Variants in DENND4B observed in about 807,000 individuals in gnomAD.
The protein encoded by DENND4B is DENN domain-containing protein 4B.
Under a neutral mutation model 161.0 loss-of-function variants are expected in DENND4B, and 67 were observed. The ratio of observed to expected loss-of-function variants is 0.42; its 90% CI spans 0.34 to 0.51. The LOEUF (loss-of-function observed/expected upper bound fraction) is 0.51. DENND4B is among the 20% of genes least tolerant of loss of function. DENND4B has a pLI of 0.08. For synonymous variants in DENND4B, 753 were observed against 813.8 expected (o/e 0.93, Z 1.27); for missense variants, 1,481 against 1,968.0 (o/e 0.75, Z 4.68).
chr1:153,941,974 G>T lies in DENND4B; in HGVS notation c.950C>A (p.Ala317Asp). 6.2e-7 allele frequency: 1 copy of T among 1,612,228 alleles called. No homozygotes were observed. The highest frequency in any genetic ancestry group is 1.3e-5 in the African/African-American group (1 of 75,016). ...LGGRAVRSRR[A>D]IAVLSRWPAF... ...AGGCCAGCGGGACAGCACAGCGATG[G>T]CACGCCGGCTGCGCACAGCTCTGCC... The change falls in exon 6 of 28, where the codon GCC becomes GAC. Residue 317 changes from alanine to aspartate, a missense_variant. By Grantham distance (126) the Ala-to-Asp change is moderately radical. Transcript: ENST00000361217.
Position 153,930,924 on chromosome 1 carries a change from C to CCCAAG in DENND4B, c.4114+22_4114+23insCTTGG. 6.2e-7 allele frequency: 1 copy of CCCAAG among 1,601,500 alleles called. No individual in the cohort carries two copies. Among genetic ancestry groups the CCCAAG allele is most frequent in the African/African-American group, 1.3e-5 (1 of 74,802 alleles). On this transcript the variant is annotated intron_variant, in intron 25 of 27. Transcript: ENST00000361217. This position sits in a 1 kb window ranked among gnomAD's most constrained non-coding sequence, Gnocchi z 4.7. ...CTGGGTATGGGACCCACCCTCCCCA[C>CCCAAG]CCAGGCCAAATACCAGACTCACTGT...
rs1679617571 is a variant in DENND4B, at chr1:153,940,734, G to C, written c.1327-128C>G. ...TGTTGAGAGAGGCTGTTGGAAGTAG[G>C]CTCTAGAGAAGAGCTCCTGATGGAA... On this transcript the variant is annotated intron_variant, in intron 9 of 27. Coordinates refer to ENST00000361217, the MANE Select transcript of DENND4B (RefSeq NM_014856.3). This position sits in a 1 kb window ranked among gnomAD's most constrained non-coding sequence, Gnocchi z 5.6. 4.2e-6 allele frequency: 6 copies of C among 1,444,114 alleles called. No homozygotes were observed. The highest frequency in any genetic ancestry group is 2.2e-5 in the Admixed American group (1 of 46,110). 89.5% of individuals were successfully genotyped at this position (1,444,114 alleles called of 1,614,324 possible). A position where few individuals can be genotyped will look rare whatever the true frequency, so the allele number is the denominator to read the frequency against.
rs1261681396 is a variant in DENND4B, at chr1:153,943,540, T to G, written c.318-410A>C. Among the ~76,000 whole-genome samples the G allele has an allele frequency of 2.0e-5, 3 of 152,168 alleles. No individual in the cohort carries two copies. The East Asian group carries it at 5.8e-4, about 29-fold the overall frequency. Reference sequence around the variant, plus strand: ...TAAAAATTCAAAAATTAGCTGGACGTGGTGGCACATGCCTATAGTCTCAGC... The same window carrying G: ...TAAAAATTCAAAAATTAGCTGGACGGGGTGGCACATGCCTATAGTCTCAGC... On this transcript the variant is annotated intron_variant, in intron 2 of 27. Coordinates refer to ENST00000361217, the MANE Select transcript of DENND4B (RefSeq NM_014856.3).
chr1:153,929,935 GCT>G lies in DENND4B; in HGVS notation c.*360_*361del, dbSNP rs1314115080. 1.9e-5 allele frequency: 4 copies of G among 205,496 alleles called. No homozygotes were observed. The highest frequency in any genetic ancestry group is 3.9e-5 in the Non-Finnish European group (4 of 101,930). The allele number at this position is 205,496 out of a possible 1,614,324, so 12.7% of individuals were successfully genotyped here. A position where few individuals can be genotyped will look rare whatever the true frequency, so the allele number is the denominator to read the frequency against. ...TCCCATTCAGGGCAAAGGCTCAGTA[GCT>G]CTGCATCTTTCCAGTTGTTTTTTAA... On this transcript the variant is annotated 3_prime_UTR_variant, in exon 28 of 28. Coordinates refer to ENST00000361217, the MANE Select transcript of DENND4B (RefSeq NM_014856.3).
In DENND4B at chr1:153,944,445, GCCATGGCAACC is replaced by G. The variant is rs745625328; in HGVS notation, c.-23-59_-23-49del. On this transcript the variant is annotated intron_variant, in intron 1 of 27. Transcript: ENST00000361217. The surrounding 1 kb of genome is among the most constrained non-coding windows in gnomAD (Gnocchi z 4.8). ...AGATGAAGCAAGGAAGGCTGGGGAT[GCCATGGCAACC>G]AGGGTACCCTCTTGCTCCCCTCCTC... 6.7e-7 allele frequency: 1 copy of G among 1,486,282 alleles called. No individual in the cohort carries two copies. The highest frequency in any genetic ancestry group is 2.5e-5 in the East Asian group (1 of 40,434). The allele number at this position is 1,486,282 out of a possible 1,614,324, so 92.1% of individuals were successfully genotyped here.
Position 153,936,919 on chromosome 1 carries a change from TCA to T in DENND4B, c.2233-173_2233-172del, listed in dbSNP as rs1679376748. Among the ~76,000 whole-genome samples, 1 of 152,210 alleles carries T rather than the reference TCA, an allele frequency of 6.6e-6. No individual in the cohort carries two copies. The highest frequency in any genetic ancestry group is 1.5e-5 in the Non-Finnish European group (1 of 68,030). On this transcript the variant is annotated intron_variant, in intron 15 of 27. Transcript: ENST00000361217. The surrounding 1 kb of genome is among the most constrained non-coding windows in gnomAD (Gnocchi z 4.1). ...CCTGGGCTCAAGCGATTCTCCCACCTCAGTCTCAAGTAGCTGGGACGCACCAC... is the reference window on the plus strand; with the variant it reads ...CCTGGGCTCAAGCGATTCTCCCACCTGTCTCAAGTAGCTGGGACGCACCAC...
Position 153,933,895 on chromosome 1 carries a change from G to C in DENND4B, c.2942-24C>G. ...CACTGCAGCACAGAAAAGAATGAGG[G>C]AAGATGGACCCCAGCCTCTGCACCA... On this transcript the variant is annotated intron_variant, in intron 19 of 27. Coordinates refer to ENST00000361217, the MANE Select transcript of DENND4B (RefSeq NM_014856.3). This position sits in a 1 kb window ranked among gnomAD's most constrained non-coding sequence, Gnocchi z 5.7. 1 of 1,596,912 alleles carries C rather than the reference G, an allele frequency of 6.3e-7. No homozygotes were observed. Among genetic ancestry groups the C allele is most frequent in the Non-Finnish European group, 8.5e-7 (1 of 1,175,562 alleles).
intron 11 of DENND4B, 22 bp from the exon 12 acceptor site, chr1:153,939,826 G>A (rs956515727): frequency 2.6e-5 from 42 of 1,609,784 alleles, no homozygotes; most frequent in Non-Finnish European, 3.3e-5. Flanking sequence ...GGCAGCCTAA[G>A]AGTCAGGGCT....
Position 153,939,539 on chromosome 1 carries a change from C to T in DENND4B, c.1819+50G>A, listed in dbSNP as rs535793005. 8 of 1,548,658 alleles carry T rather than the reference C, an allele frequency of 5.2e-6. No homozygotes were observed. In the African/African-American group the frequency reaches 5.4e-5, roughly 11 times the overall value. On this transcript the variant is annotated intron_variant, in intron 12 of 27. Coordinates refer to ENST00000361217, the MANE Select transcript of DENND4B (RefSeq NM_014856.3). ...GCCTTTCTGACAGAGCCCAGCCCCT[C>T]GCCACCTCCTCCCATGATACATCTC... is the stretch of plus-strand genomic sequence containing the variant.
rs1026632569 is a variant in DENND4B, at chr1:153,937,363, T to G, written c.2232+125A>C. 4 of 1,377,368 alleles carry G rather than the reference T, an allele frequency of 2.9e-6. No homozygotes were observed. Among genetic ancestry groups the G allele is most frequent in the Non-Finnish European group, 2.9e-6 (3 of 1,051,490 alleles). 85.3% of individuals were successfully genotyped at this position (1,377,368 alleles called of 1,614,324 possible). On this transcript the variant is annotated intron_variant, in intron 15 of 27. Coordinates refer to ENST00000361217, the MANE Select transcript of DENND4B (RefSeq NM_014856.3). This position sits in a 1 kb window ranked among gnomAD's most constrained non-coding sequence, Gnocchi z 4.7. ...AGGGTTGCTTATGTGCCAAGCACAT[T>G]TAAACTCCTAACAACCTCATGGGTT...
intron 6 of DENND4B, 33 bp from the exon 7 acceptor site, chr1:153,941,473 C>A (rs1167241338): frequency 6.3e-7 from 1 of 1,590,470 alleles, no homozygotes. Context: ...AGAGCATACT[C>A]CCCCGTCCAT....
rs759061352 is a variant in DENND4B at position 153,943,142 on chromosome 1, G to A, written c.318-12C>T. On this transcript the variant is annotated splice_polypyrimidine_tract_variant and intron_variant, in intron 2 of 27. Transcript: ENST00000361217. ...CCTCATACAACACCCTTGGCACAGA[G>A]AGCAAAGATAGATGTTGAGAGGTCA... 1.2e-6 allele frequency: 2 copies of A among 1,605,186 alleles called. No homozygotes were observed. The highest frequency in any genetic ancestry group is 4.5e-5 in the East Asian group (2 of 44,678).
chr1:153,941,155 C>T, intron 8 of DENND4B, 76 bp downstream of exon 8: 1 of 1,587,830 alleles, frequency 6.3e-7, no homozygotes, highest in Non-Finnish European at 8.6e-7. Context: ...TAAACCTCAA[C>T]AGCTGCACCC....
intron 13 of DENND4B, among the ~76,000 whole-genome samples, chr1:153,938,511 G>C (rs1334895048): frequency 3.3e-5 from 5 of 151,442 alleles, no homozygotes; most frequent in Non-Finnish European, 7.4e-5. Context: ...GACCATCCTG[G>C]CTAACACAGT....
Position 153,939,591 on chromosome 1 carries a change from T to G in DENND4B, c.1817A>C (p.Gln606Pro). 6.2e-7 allele frequency: 1 copy of G among 1,606,894 alleles called. No individual in the cohort carries two copies. The highest frequency in any genetic ancestry group is 8.5e-7 in the Non-Finnish European group (1 of 1,174,858). The stretch of plus-strand genomic sequence containing the variant: ...AAGCAGAGACAGGCCCTCTATACCC[T>G]GCAGGAAGAAAAGGTTGTCAACATC... The part of the protein sequence containing the change: ...ARDVDNLFFL[Q>P]GFLKSRERSS... The change falls in exon 12 of 28, where the codon CAG becomes CCG. Residue 606 changes from glutamine to proline, a missense_variant and splice_region_variant. Transcript: ENST00000361217.
Position 153,933,658 on chromosome 1 carries a change from G to A in DENND4B, c.3155C>T (p.Thr1052Ile). Residue 1052 changes from threonine to isoleucine, a missense_variant, in exon 20 of 28, where the codon ACC becomes ATC. Thr to Ile is a moderately conservative substitution (Grantham distance 89, BLOSUM62 -1). This residue lies in a region of DENND4B where 339 missense variants were observed against 330.3 expected (regional missense o/e 1.03). Coordinates refer to ENST00000361217, the MANE Select transcript of DENND4B (RefSeq NM_014856.3). The surrounding 1 kb of genome is among the most constrained non-coding windows in gnomAD (Gnocchi z 5.7). ...GCGGGCACCCAGCCCTCGTCGGGGG[G>A]TGCCTGCCTCATCCTGTCGCCCACC... is the stretch of plus-strand genomic sequence containing the variant. ...KAGGRQDEAG[T>I]PRRGLGARLQ... 1 of 1,570,148 alleles carries A rather than the reference G, an allele frequency of 6.4e-7. No homozygotes were observed. The highest frequency in any genetic ancestry group is 1.2e-5 in the South Asian group (1 of 86,840).
intron 6 of DENND4B, 94 bp downstream of exon 6, chr1:153,941,775 G>GGGCGGGC: frequency 1.5e-6 from 2 of 1,338,170 alleles, no homozygotes; most frequent in Non-Finnish European, 2.1e-6. Flanking sequence ...CCTGTGCCCA[G>GGGCGGGC]CCCTCCCCCC....
At position 153,937,834 on chromosome 1, in the gene DENND4B, C is replaced by A; in HGVS notation, c.1995G>T (p.Pro665=). 6.2e-7 allele frequency: 1 copy of A among 1,613,990 alleles called. No individual in the cohort carries two copies. Among genetic ancestry groups the A allele is most frequent in the Non-Finnish European group, 8.5e-7 (1 of 1,179,894 alleles). Reference sequence around the variant, plus strand: ...GCTCCTCTAGCTCCACTAAGGGTGTCGGCTCAGGCTTCTCCTGCTCTGGGT... The same window carrying A: ...GCTCCTCTAGCTCCACTAAGGGTGTAGGCTCAGGCTTCTCCTGCTCTGGGT... ...KVHPEQEKPE[P]TPLVELEELS... The change falls in exon 14 of 28, where the codon CCG becomes CCT. Residue 665 remains proline (P), a synonymous_variant. Transcript: ENST00000361217. The surrounding 1 kb of genome is among the most constrained non-coding windows in gnomAD (Gnocchi z 4.7).
In DENND4B at chr1:153,936,316, A is replaced by C. The variant is rs1571043309; in HGVS notation, c.2440-128T>G. 1 of 1,376,200 alleles carries C rather than the reference A, an allele frequency of 7.3e-7. No individual in the cohort carries two copies. The highest frequency in any genetic ancestry group is 9.8e-7 in the Non-Finnish European group (1 of 1,016,530). 85.2% of individuals were successfully genotyped at this position (1,376,200 alleles called of 1,614,324 possible). On this transcript the variant is annotated intron_variant, in intron 16 of 27. Transcript: ENST00000361217. This position sits in a 1 kb window ranked among gnomAD's most constrained non-coding sequence, Gnocchi z 4.1. ...CTGGCCCCTGGCAGGTCCTGGGGCT[A>C]CCTCAGAGCCACCCACCCTTTCTGC...
Sources: gnomAD v4.1 joint callset for allele counts (sites outside exome capture counted in the v4.1 genomes callset) on GRCh38, gnomAD v4.1.1 for gene constraint, gnomAD v4.1.1 regional missense constraint, Gnocchi (gnomAD v3.1) non-coding constraint, MANE v1.5 for transcripts, NCBI Gene and HGNC (gene_info 2026-07-23, HGNC 2026-07-21) for gene names.